PARN: variants seen among roughly 807,000 people sequenced by gnomAD.
The protein encoded by PARN is poly(A)-specific ribonuclease PARN.
A neutral mutation model predicts 102.8 loss-of-function variants in PARN; 71 were observed. That is an observed-to-expected ratio of 0.69 (90% confidence interval 0.57 to 0.84). The LOEUF (loss-of-function observed/expected upper bound fraction) is 0.84. Among genes scored for constraint, PARN ranks in the 40% least tolerant of loss-of-function variants. The pLI is 0.00. For missense variants in PARN, 782 were observed against 760.9 expected, an observed-to-expected ratio of 1.03 and a Z score of -0.33; for synonymous variants, 261 against 252.9, an observed-to-expected ratio of 1.03 and a Z score of -0.30.
rs1285792849 is a variant in PARN at position 14,609,042 on chromosome 16, GT to G, written c.620+15del. The stretch of plus-strand genomic sequence containing the variant: ...TTCCAAAAAAAGGACATGCAGAAAT[GT>G]TCAGGACAACTAACCCGGTACATGG... On this transcript the variant is annotated intron_variant, in intron 8 of 23. Coordinates refer to ENST00000437198, the MANE Select transcript of PARN (RefSeq NM_002582.4). The G allele has an allele frequency of 6.7e-7, 1 of 1,497,934 alleles. No individual in the cohort carries two copies. Among genetic ancestry groups the G allele is most frequent in the Non-Finnish European group, 9.2e-7 (1 of 1,082,752 alleles). The allele number at this position is 1,497,934 out of a possible 1,614,324, so 92.8% of individuals were successfully genotyped here.
At chr16:14,570,931 G>C (rs893364957) in intron 18 of PARN, among the ~76,000 whole-genome samples, 1 of 149,940 alleles carries the variant, frequency 6.7e-6, no homozygotes, top group African/African-American at 2.5e-5. Context: ...GGTGCAGTGA[G>C]CCATGATCGT....
chr16:14,548,494 T>A (rs1204252312), intron 21 of PARN, among the ~76,000 whole-genome samples: 1 of 152,236 alleles, frequency 6.6e-6, no homozygotes, highest in African/African-American at 2.4e-5. Context: ...ATTTACTTAC[T>A]AATGTCAGAC....
At chr16:14,612,638 C>T (rs1363618940) in intron 6 of PARN, among the ~76,000 whole-genome samples, 1 of 151,710 alleles carries the variant, frequency 6.6e-6, no homozygotes, top group African/African-American at 2.4e-5. Flanking sequence ...TGCTCTGTCA[C>T]CCAGGCTGGA....
At chr16:14,578,370 CTT>C (rs1969290285) in intron 18 of PARN, among the ~76,000 whole-genome samples, 2 of 140,080 alleles carry the variant, frequency 1.4e-5, no homozygotes, top group Non-Finnish European at 3.1e-5. Flanking sequence ...AAAAACAGTT[CTT>C]GGCTAGGCGC....
chr16:14,484,185 G>A (rs1963534183), intron 21 of PARN, among the ~76,000 whole-genome samples: 1 of 152,186 alleles, frequency 6.6e-6, no homozygotes, highest in Non-Finnish European at 1.5e-5. Flanking sequence ...CTTGAACACT[G>A]GGGCTTAATC....
chr16:14,549,954 A>T (rs1462864540), intron 21 of PARN, among the ~76,000 whole-genome samples: 3 of 152,236 alleles, frequency 2.0e-5, no homozygotes, highest in African/African-American at 7.2e-5. Flanking sequence ...CAAGTGGTGG[A>T]GCCAAAGTTA....
chr16:14,441,565 G>A (rs1960944355), intron 23 of PARN, among the ~76,000 whole-genome samples: 1 of 152,208 alleles, frequency 6.6e-6, no homozygotes, highest in Admixed American at 6.5e-5. Flanking sequence ...GGTACGCCCT[G>A]GGGCCGGTTT....
intron 21 of PARN, among the ~76,000 whole-genome samples, chr16:14,488,386 T>C (rs1015176329): frequency 2.0e-5 from 3 of 152,198 alleles, no homozygotes; most frequent in African/African-American, 7.2e-5. Flanking sequence ...ATCAATAAGT[T>C]TGGCTACATT....
At chr16:14,572,618 CA>C (rs1968878031) in intron 18 of PARN, among the ~76,000 whole-genome samples, 1 of 152,154 alleles carries the variant, frequency 6.6e-6, no homozygotes, top group South Asian at 2.1e-4. Flanking sequence ...ATATTCATTT[CA>C]AAAACAAAAC....
intron 21 of PARN, among the ~76,000 whole-genome samples, chr16:14,547,263 T>C (rs1440266461): frequency 6.6e-6 from 1 of 152,054 alleles, no homozygotes; most frequent in African/African-American, 2.4e-5. Context: ...TTGTATGGGT[T>C]ACCACGTATC....
chr16:14,608,403 G>A (rs760970364), intron 8 of PARN, 84 bp from the exon 9 acceptor site: 50 of 888,880 alleles, frequency 5.6e-5, no homozygotes, highest in Middle Eastern at 3.0e-4. Flanking sequence ...GAAGGATTTC[G>A]CTTTAAAAAG....
intron 21 of PARN, among the ~76,000 whole-genome samples, chr16:14,501,225 T>TA (rs1964567922): frequency 6.8e-6 from 1 of 147,306 alleles, no homozygotes; most frequent in Middle Eastern, 3.2e-3. Context: ...GCCCAGGAGT[T>TA]AGAGACCAGC....
At chr16:14,577,462 T>C (rs902098026) in intron 18 of PARN, among the ~76,000 whole-genome samples, 1 of 150,838 alleles carries the variant, frequency 6.6e-6, no homozygotes, top group African/African-American at 2.4e-5. Flanking sequence ...GCCTCCCGAG[T>C]AGCTGGGACT....
intron 18 of PARN, among the ~76,000 whole-genome samples, chr16:14,570,815 C>CAAAA (rs761919651): frequency 1.3e-4 from 5 of 38,674 alleles, no homozygotes; most frequent in African/African-American, 3.5e-4. Flanking sequence ...CCCACCTCTA[C>CAAAA]AAAAAAAAAA....
Position 14,468,878 on chromosome 16 carries a change from A to ATAGATAG in PARN, c.1670+13759_1670+13760insCTATCTA, listed in dbSNP as rs1555481204. Among the ~76,000 whole-genome samples, 81 of 139,718 alleles carry ATAGATAG rather than the reference A, an allele frequency of 5.8e-4. 1 individual carries two copies. Among genetic ancestry groups the ATAGATAG allele is most frequent in the African/African-American group, 9.7e-4 (35 of 35,948 alleles). The allele number at this position is 139,718 out of a possible 152,430, so 91.7% of individuals were successfully genotyped here. A position where few individuals can be genotyped will look rare whatever the true frequency, so the allele number is the denominator to read the frequency against. ...GCAACACAGCAAGATCCCATTACTA[A>ATAGATAG]ATAGATAGATAGATAGATAGATAGA... On this transcript the variant is annotated intron_variant, in intron 22 of 23. Coordinates refer to ENST00000437198, the MANE Select transcript of PARN (RefSeq NM_002582.4).
intron 15 of PARN, 87 bp downstream of exon 15, chr16:14,584,662 A>C (rs1969735040): frequency 1.0e-6 from 1 of 975,848 alleles, no homozygotes; most frequent in Non-Finnish European, 1.6e-6. Flanking sequence ...AATACCTCCA[A>C]ACCTTTTGCC....
intron 21 of PARN, among the ~76,000 whole-genome samples, chr16:14,487,575 A>G (rs907100406): frequency 6.6e-6 from 1 of 152,186 alleles, no homozygotes; most frequent in Non-Finnish European, 1.5e-5. Flanking sequence ...ATTTTATTTT[A>G]TTTTTTAAAC....
intron 22 of PARN, among the ~76,000 whole-genome samples, chr16:14,455,237 A>C (rs1419178285): frequency 6.6e-6 from 1 of 152,230 alleles, no homozygotes; most frequent in Non-Finnish European, 1.5e-5. Flanking sequence ...GTGGTGTCCA[A>C]AGCCAACTGC....
chr16:14,503,947 T>C (rs1964753700), intron 21 of PARN, among the ~76,000 whole-genome samples: 1 of 152,188 alleles, frequency 6.6e-6, no homozygotes, highest in Non-Finnish European at 1.5e-5. Flanking sequence ...CAGATGGTGG[T>C]AAATTGTTCT....
Sources: allele counts gnomAD v4.1 joint callset (sites outside exome capture counted in the v4.1 genomes callset), GRCh38; gene constraint gnomAD v4.1.1; transcripts MANE v1.5; gene names NCBI Gene and HGNC (gene_info 2026-07-23, HGNC 2026-07-21).